Variants in NR5A2 observed in about 807,000 individuals in gnomAD.
NR5A2 encodes the protein CYP7A promoter-binding factor.
A neutral mutation model predicts 62.7 loss-of-function variants in NR5A2; 26 were observed. That is an observed-to-expected ratio of 0.41 (90% CI 0.30 to 0.58). The LOEUF (loss-of-function observed/expected upper bound fraction) is 0.58. NR5A2 is among the 20% of genes least tolerant of loss of function. The probability of loss-of-function intolerance (pLI) is 0.22; values close to 1 mark genes in which losing one functional copy is unlikely to be tolerated. For missense variants in NR5A2, 541 were observed against 669.1 expected (o/e 0.81, Z 2.11); for synonymous variants, 246 against 241.7 (o/e 1.02, Z -0.16).
chr1:200,119,082 CTGAT>C (rs1459166428), intron 6 of NR5A2, among the ~76,000 whole-genome samples: 1 of 152,322 alleles, frequency 6.6e-6, no homozygotes, highest in South Asian at 2.1e-4. Context: ...TCTATATAAA[CTGAT>C]TGACACCTTT....
At chr1:200,099,422 G>A (rs916203745) in intron 5 of NR5A2, among the ~76,000 whole-genome samples, 7 of 151,672 alleles carry the variant, frequency 4.6e-5, no homozygotes, top group Admixed American at 1.3e-4. Context: ...GAGCCACGGA[G>A]CATGCCCTCT....
chr1:200,156,018 G>C (rs772767157), intron 7 of NR5A2, among the ~76,000 whole-genome samples: 7 of 152,164 alleles, frequency 4.6e-5, no homozygotes, highest in Non-Finnish European at 7.3e-5. Context: ...TACTTCCCAA[G>C]ATGAAAGCTT....
chr1:200,052,924 G>C (rs559976492), intron 5 of NR5A2, among the ~76,000 whole-genome samples: 1 of 152,318 alleles, frequency 6.6e-6, no homozygotes, highest in East Asian at 1.9e-4. Context: ...ATAGGCATGA[G>C]CCACCGCACC....
rs773634748 is a variant in NR5A2 at position 200,175,121 on chromosome 1, C to T, written c.*911C>T. 2.6e-5 allele frequency: 4 copies of T among 152,608 alleles called. No homozygotes were observed. The highest frequency in any genetic ancestry group is 6.5e-5 in the Admixed American group (1 of 15,276). The allele number at this position is 152,608 out of a possible 1,614,324, so 9.5% of individuals were successfully genotyped here. ...GGAAGTCTTGTTAGTATACATCAGTCTTTTTCATCATCCAAGTTTGTAGTT... is the reference window on the plus strand; with the variant it reads ...GGAAGTCTTGTTAGTATACATCAGTTTTTTTCATCATCCAAGTTTGTAGTT... On this transcript the variant is annotated 3_prime_UTR_variant, in exon 8 of 8. Coordinates refer to ENST00000367362, the MANE Select transcript of NR5A2 (RefSeq NM_205860.3).
chr1:200,129,860 G>T (rs888506683), intron 7 of NR5A2, among the ~76,000 whole-genome samples: 3 of 152,200 alleles, frequency 2.0e-5, no homozygotes, highest in African/African-American at 7.2e-5. Flanking sequence ...TGCTCAGGAT[G>T]CCTACATTTT....
Position 200,111,255 on chromosome 1 carries a change from C to A in NR5A2, c.1164C>A (p.Leu388=), listed in dbSNP as rs757729465. 1 of 1,612,624 alleles carries A rather than the reference C, an allele frequency of 6.2e-7. No individual in the cohort carries two copies. The highest frequency in any genetic ancestry group is 8.5e-7 in the Non-Finnish European group (1 of 1,179,814). Residue 388 remains leucine (L), a synonymous_variant, in exon 6 of 8, where the codon CTC becomes CTA. Transcript: ENST00000367362. ...LQNCWSELLI[L]DHIYRQVVHG... The stretch of plus-strand genomic sequence containing the variant: ...ACTGCTGGAGTGAGCTCTTAATCCT[C>A]GACCACATTTACCGACAAGTGGTAC...
rs1353586634 is a variant in NR5A2 at position 200,039,769 on chromosome 1, A to T, written c.176A>T (p.Gln59Leu). ...ALGLARSHGEQGQMPENMQVS... is the reference protein window; with the variant it reads ...ALGLARSHGELGQMPENMQVS... ...GGACTGGCTCGATCGCATGGGGAAC[A>T]GGGCCAGATGCCGGAAAACATGCAA... Residue 59 changes from glutamine (Q) to leucine (L), a missense_variant, in exon 2 of 8, where the codon CAG (glutamine) becomes CTG (leucine). Physicochemically the swap from Gln to Leu is moderately radical, Grantham distance 113. This residue lies in a region of NR5A2 where 108 missense variants were observed against 103.3 expected (regional missense o/e 1.05). Coordinates refer to ENST00000367362, the MANE Select transcript of NR5A2 (RefSeq NM_205860.3). The surrounding 1 kb of genome is among the most constrained non-coding windows in gnomAD (Gnocchi z 5.1). The T allele has an allele frequency of 1.9e-6, 3 of 1,608,538 alleles. No individual in the cohort carries two copies. The highest frequency in any genetic ancestry group is 2.5e-6 in the Non-Finnish European group (3 of 1,177,614).
In NR5A2 at chr1:200,061,464, G is replaced by A. The variant is rs373588188; in HGVS notation, c.1110+12646G>A. Among the ~76,000 whole-genome samples the A allele has an allele frequency of 4.1e-4, 63 of 151,948 alleles. 1 individual carries two copies. The highest frequency in any genetic ancestry group is 1.3e-3 in the African/African-American group (55 of 41,426). On this transcript the variant is annotated intron_variant, in intron 5 of 7. Transcript: ENST00000367362. ...TGGCTAATTTTGTATTTTTAGTAGA[G>A]ACAAGACTTCTCCATATTGGTCAGG...
intron 1 of NR5A2, among the ~76,000 whole-genome samples, chr1:200,037,170 A>G (rs1224393647): frequency 2.0e-5 from 3 of 152,154 alleles, no homozygotes; most frequent in African/African-American, 2.4e-5. Context: ...TGGCGTTATG[A>G]GCATGGTCAC....
chr1:200,072,665 CTT>C (rs1663791884), intron 5 of NR5A2, among the ~76,000 whole-genome samples: 1 of 152,052 alleles, frequency 6.6e-6, no homozygotes, highest in Non-Finnish European at 1.5e-5. Flanking sequence ...TGGATGAACA[CTT>C]TTAATTACTA....
chr1:200,076,690 T>C (rs1664056897), intron 5 of NR5A2, among the ~76,000 whole-genome samples: 1 of 152,214 alleles, frequency 6.6e-6, no homozygotes, highest in Non-Finnish European at 1.5e-5. Flanking sequence ...TTTTAACTAT[T>C]GAGTAGGTAC....
intron 7 of NR5A2, among the ~76,000 whole-genome samples, chr1:200,140,528 C>T (rs1307717972): frequency 6.6e-6 from 1 of 152,074 alleles, no homozygotes; most frequent in Non-Finnish European, 1.5e-5. Context: ...TCTTGTGTTT[C>T]TGTGATTTAG....
At chr1:200,112,725 T>G (rs1274263804) in intron 6 of NR5A2, among the ~76,000 whole-genome samples, 1 of 152,254 alleles carries the variant, frequency 6.6e-6, no homozygotes, top group Non-Finnish European at 1.5e-5. Context: ...TGACTTCCTG[T>G]GCTTTCAAAT....
chr1:200,114,293 TACAC>T (rs1218353089), intron 6 of NR5A2, among the ~76,000 whole-genome samples: 9 of 119,504 alleles, frequency 7.5e-5, no homozygotes, highest in African/African-American at 2.6e-4. Context: ...CACATATATA[TACAC>T]ACACATATAT....
chr1:200,174,222 T>C lies in NR5A2; in HGVS notation c.*12T>C. 6.5e-7 allele frequency: 1 copy of C among 1,533,050 alleles called. No homozygotes were observed. The highest frequency in any genetic ancestry group is 8.8e-7 in the Non-Finnish European group (1 of 1,138,702). The allele number at this position is 1,533,050 out of a possible 1,614,324, so 95.0% of individuals were successfully genotyped here. ...CCAAAAGAGCATAAGTTACAACCCC[T>C]AGGAGCTCTGCTTTCAAAACAAAAA... is the stretch of plus-strand genomic sequence containing the variant. On this transcript the variant is annotated 3_prime_UTR_variant, in exon 8 of 8. Transcript: ENST00000367362.
At chr1:200,138,500 T>C (rs1558162219) in intron 7 of NR5A2, among the ~76,000 whole-genome samples, 2 of 152,200 alleles carry the variant, frequency 1.3e-5, no homozygotes, top group Non-Finnish European at 2.9e-5. Flanking sequence ...ACCTTGGAGG[T>C]CTTAAAGTAC....
Position 200,048,581 on chromosome 1 carries a change from T to C in NR5A2, c.873T>C (p.Asp291=). Residue 291 remains aspartate, a synonymous_variant, in exon 5 of 8, where the codon GAT becomes GAC. Transcript: ENST00000367362. The surrounding 1 kb of genome is among the most constrained non-coding windows in gnomAD (Gnocchi z 4.8). The part of the protein sequence containing the change: ...PESIMGYSYM[D]SYQTSSPASI... ...CCATAATGGGCTATTCATATATGGATAGTTACCAGACGAGCTCTCCAGCAA... is the reference window on the plus strand; with the variant it reads ...CCATAATGGGCTATTCATATATGGACAGTTACCAGACGAGCTCTCCAGCAA... The C allele has an allele frequency of 6.2e-7, 1 of 1,614,182 alleles. No homozygotes were observed. The highest frequency in any genetic ancestry group is 1.1e-5 in the South Asian group (1 of 91,084).
At chr1:200,042,848 C>T in intron 2 of NR5A2, 1 of 985,510 alleles carries the variant, frequency 1.0e-6, no homozygotes. Flanking sequence ...TTTTTAGCTG[C>T]GAAGACGCCT....
At position 200,039,356 on chromosome 1, in the gene NR5A2, G is replaced by C. The variant is rs527335373; in HGVS notation, c.65-302G>C. On this transcript the variant is annotated intron_variant, in intron 1 of 7. Coordinates refer to ENST00000367362, the MANE Select transcript of NR5A2 (RefSeq NM_205860.3). The surrounding 1 kb of genome is among the most constrained non-coding windows in gnomAD (Gnocchi z 5.1). ...CTCCGCTGCCCGCCGGGAGCTCGGC[G>C]GTTCACGGCTCCGCGCCCCGGGCAG... 1.3e-5 allele frequency among the ~76,000 whole-genome samples: 2 copies of C among 150,624 alleles called. No homozygotes were observed. Among genetic ancestry groups the C allele is most frequent in the Admixed American group, 6.6e-5 (1 of 15,168 alleles).
Sources: allele counts gnomAD v4.1 joint callset (sites outside exome capture counted in the v4.1 genomes callset), GRCh38; gene constraint gnomAD v4.1.1; regional missense constraint gnomAD v4.1.1; non-coding constraint Gnocchi (gnomAD v3.1); transcripts MANE v1.5; gene names NCBI Gene and HGNC (gene_info 2026-07-23, HGNC 2026-07-21).